Variants in OLFM3 observed in about 807,000 individuals in gnomAD.
OLFM3 encodes the protein noelin-3.
A neutral mutation model predicts 48.6 loss-of-function variants in OLFM3; 20 were observed. That is an observed-to-expected ratio of 0.41 (90% CI 0.29 to 0.60). The LOEUF (loss-of-function observed/expected upper bound fraction) is 0.60, where lower values mean the gene tolerates loss of function less well. Ranked by LOEUF, OLFM3 falls within the 20% of genes least tolerant of loss-of-function variation. The pLI, the probability that OLFM3 is intolerant of heterozygous loss-of-function variation, is 0.28. For synonymous variants in OLFM3, 222 were observed against 198.1 expected (o/e 1.12, Z -1.01); for missense variants, 437 against 544.3 (o/e 0.80, Z 1.96).
At chr1:101,920,199 T>G (rs1317155227) in intron 1 of OLFM3, among the ~76,000 whole-genome samples, 1 of 152,176 alleles carries the variant, frequency 6.6e-6, no homozygotes, top group Admixed American at 6.5e-5. Flanking sequence ...GAGTGATTCT[T>G]TAAAAATCTA....
At chr1:101,832,366 T>C (rs1432952925) in intron 2 of OLFM3, among the ~76,000 whole-genome samples, 2 of 152,238 alleles carry the variant, frequency 1.3e-5, no homozygotes, top group Admixed American at 6.5e-5. Context: ...CCATAGTTGA[T>C]ACATTCCTTA....
chr1:101,892,910 T>C (rs1316487536), intron 1 of OLFM3, among the ~76,000 whole-genome samples: 1 of 152,144 alleles, frequency 6.6e-6, no homozygotes, highest in African/African-American at 2.4e-5. Flanking sequence ...TACTTTGCTA[T>C]AATTTTTCCT....
intron 1 of OLFM3, among the ~76,000 whole-genome samples, chr1:101,970,948 CACG>C (rs1385032629): frequency 3.4e-5 from 3 of 87,004 alleles, no homozygotes; most frequent in African/African-American, 9.9e-5. Flanking sequence ...GTATAAAATG[CACG>C]TAGCTGAGTG....
At chr1:101,990,674 A>G (rs1386954072) in intron 1 of OLFM3, among the ~76,000 whole-genome samples, 2 of 152,048 alleles carry the variant, frequency 1.3e-5, no homozygotes, top group Non-Finnish European at 2.9e-5. Context: ...TCATAATAGC[A>G]TTAGTTTCGT....
At position 101,979,214 on chromosome 1, in the gene OLFM3, C is replaced by T. The variant is rs1475009606; in HGVS notation, c.69+17534G>A. Among the ~76,000 whole-genome samples the T allele has an allele frequency of 2.0e-5, 3 of 152,242 alleles. No homozygotes were observed. The East Asian group carries it at 5.8e-4, about 29-fold the overall frequency. ...ACTAAATATTGTTAAAACTTACAGT[C>T]CCACCTGCTGTCTACTCTGCCCTTC... On this transcript the variant is annotated intron_variant, in intron 1 of 5. Coordinates refer to ENST00000370103, the MANE Select transcript of OLFM3 (RefSeq NM_058170.4).
At chr1:101,871,447 T>C (rs1472083996) in intron 1 of OLFM3, among the ~76,000 whole-genome samples, 4 of 152,140 alleles carry the variant, frequency 2.6e-5, no homozygotes, top group Admixed American at 6.6e-5. Context: ...AATTTACTCA[T>C]AGTAAATTGT....
intron 1 of OLFM3, among the ~76,000 whole-genome samples, chr1:101,910,561 A>G (rs948473835): frequency 2.0e-5 from 3 of 152,192 alleles, no homozygotes; most frequent in African/African-American, 7.2e-5. Context: ...GCTTATCAAC[A>G]TGAACTGAAA....
intron 1 of OLFM3, among the ~76,000 whole-genome samples, chr1:101,910,416 A>T (rs1295177278): frequency 1.3e-5 from 2 of 151,614 alleles, no homozygotes; most frequent in East Asian, 3.9e-4. Context: ...CAGTGAGCCG[A>T]GATCACGCCA....
intron 1 of OLFM3, chr1:101,847,096 T>C: frequency 1.5e-6 from 2 of 1,377,670 alleles, no homozygotes; most frequent in South Asian, 4.0e-5. Context: ...TCCCCAGCTC[T>C]AATCACCCAG....
intron 1 of OLFM3, among the ~76,000 whole-genome samples, chr1:101,902,286 C>A (rs1349704569): frequency 6.6e-6 from 1 of 152,032 alleles, no homozygotes; most frequent in Non-Finnish European, 1.5e-5. Flanking sequence ...TAAGTCCACA[C>A]TGAATCCTGA....
At chr1:101,838,696 T>C (rs1362149965) in intron 1 of OLFM3, among the ~76,000 whole-genome samples, 1 of 152,112 alleles carries the variant, frequency 6.6e-6, no homozygotes, top group Non-Finnish European at 1.5e-5. Flanking sequence ...GCCAGGCTGG[T>C]CTCAGACTCC....
intron 5 of OLFM3, among the ~76,000 whole-genome samples, chr1:101,805,815 C>T (rs1653742830): frequency 6.6e-6 from 1 of 151,584 alleles, no homozygotes; most frequent in African/African-American, 2.4e-5. Context: ...AGGAAATTAG[C>T]CCCTTTCAAG....
chr1:101,949,074 A>G (rs1660043456), intron 1 of OLFM3, among the ~76,000 whole-genome samples: 2 of 151,908 alleles, frequency 1.3e-5, no homozygotes, highest in African/African-American at 4.8e-5. Context: ...TATATATCTT[A>G]TATTTTGCCT....
At chr1:101,970,431 G>T (rs1160305152) in intron 1 of OLFM3, among the ~76,000 whole-genome samples, 1 of 152,210 alleles carries the variant, frequency 6.6e-6, no homozygotes, top group Admixed American at 6.5e-5. Flanking sequence ...AAAGTAATTT[G>T]TCTAAACACT....
chr1:101,811,535 C>A (rs1428267647), intron 4 of OLFM3, among the ~76,000 whole-genome samples: 1 of 152,134 alleles, frequency 6.6e-6, no homozygotes, highest in African/African-American at 2.4e-5. Context: ...AGGATATGAA[C>A]AGACACTTCT....
intron 1 of OLFM3, among the ~76,000 whole-genome samples, chr1:101,948,836 T>C (rs1050189213): frequency 1.4e-5 from 2 of 148,102 alleles, no homozygotes; most frequent in Non-Finnish European, 3.0e-5. Flanking sequence ...TGACTATACA[T>C]AATATTATGT....
intron 1 of OLFM3, among the ~76,000 whole-genome samples, chr1:101,951,030 A>C (rs1330809889): frequency 6.6e-6 from 1 of 152,230 alleles, no homozygotes; most frequent in African/African-American, 2.4e-5. Context: ...AAATGGCACT[A>C]TATGCTATGG....
intron 1 of OLFM3, among the ~76,000 whole-genome samples, chr1:101,879,519 TTAA>T (rs1657436394): frequency 6.6e-6 from 1 of 151,902 alleles, no homozygotes; most frequent in African/African-American, 2.4e-5. Flanking sequence ...TGTCTTACTG[TTAA>T]TGAGCTGTTT....
intron 1 of OLFM3, among the ~76,000 whole-genome samples, chr1:101,955,645 C>A (rs1442767561): frequency 6.6e-6 from 1 of 151,878 alleles, no homozygotes; most frequent in Non-Finnish European, 1.5e-5. Flanking sequence ...TTGCTGAAGT[C>A]TTCTTCTAAC....
Sources: gnomAD v4.1 joint callset for allele counts (sites outside exome capture counted in the v4.1 genomes callset) on GRCh38, gnomAD v4.1.1 for gene constraint, MANE v1.5 for transcripts, NCBI Gene and HGNC (gene_info 2026-07-23, HGNC 2026-07-21) for gene names.